Variants in AP1G1 observed in about 807,000 individuals in gnomAD.
AP1G1 encodes AP-1 complex subunit gamma-1.
Under a neutral mutation model 108.3 loss-of-function variants are expected in AP1G1, and 7 were observed. The ratio of observed to expected loss-of-function variants is 0.06; its 90% CI spans 0.04 to 0.12. AP1G1 has a LOEUF of 0.12. AP1G1 is among the 10% of genes least tolerant of loss of function. The pLI, the probability that AP1G1 is intolerant of heterozygous loss-of-function variation, is 1.00. For missense variants in AP1G1, 756 were observed against 1,010.7 expected (o/e 0.75, Z 3.42); for synonymous variants, 379 against 353.5 (o/e 1.07, Z -0.81).
At chr16:71,734,496 T>C (rs1024527992) in intron 22 of AP1G1, 113 bp downstream of exon 22, 1 of 840,040 alleles carries the variant, frequency 1.2e-6, no homozygotes, top group Non-Finnish European at 1.9e-6. Flanking sequence ...GCATTTTCAT[T>C]GATCTCTTCT....
chr16:71,790,428 T>TACTCAGGAGAATTGCTTGA (rs2032356837), intron 1 of AP1G1, among the ~76,000 whole-genome samples: 1 of 150,816 alleles, frequency 6.6e-6, no homozygotes, highest in Non-Finnish European at 1.5e-5. Context: ...TAATCCCAGC[T>TACTCAGGAGAATTGCTTGA]ACTCAGGAGA....
chr16:71,761,919 T>A (rs2031107128), intron 9 of AP1G1, among the ~76,000 whole-genome samples: 1 of 152,036 alleles, frequency 6.6e-6, no homozygotes. Flanking sequence ...TTTGACAGTG[T>A]TTTGTCAGTG....
chr16:71,784,419 C>T (rs937423020), intron 2 of AP1G1, among the ~76,000 whole-genome samples: 1 of 152,280 alleles, frequency 6.6e-6, no homozygotes, highest in Non-Finnish European at 1.5e-5. Context: ...GTCGCACCAA[C>T]AGCAACTACA....
At chr16:71,808,161 G>A in intron 1 of AP1G1, 2 of 1,138,138 alleles carry the variant, frequency 1.8e-6, no homozygotes, top group Non-Finnish European at 2.2e-6. Context: ...CTGAGAAAAG[G>A]GTAAACAGTA....
intron 13 of AP1G1, 52 bp from the exon 14 acceptor site, chr16:71,750,384 A>G: frequency 2.5e-6 from 4 of 1,599,810 alleles, no homozygotes; most frequent in Non-Finnish European, 3.4e-6. Context: ...AATGATGATA[A>G]CAAGTGTTAG....
chr16:71,779,201 T>C (rs900805631), intron 2 of AP1G1, among the ~76,000 whole-genome samples: 2 of 152,156 alleles, frequency 1.3e-5, no homozygotes, highest in African/African-American at 2.4e-5. Flanking sequence ...GTTCCCAAAC[T>C]TAACTGGTCA....
At chr16:71,793,674 T>C (rs540822061) in intron 1 of AP1G1, among the ~76,000 whole-genome samples, 8 of 152,170 alleles carry the variant, frequency 5.3e-5, no homozygotes, top group Admixed American at 3.3e-4. Flanking sequence ...CACAATATAG[T>C]TTTTGTTGTT....
At chr16:71,808,566 C>A (rs909616255) in intron 1 of AP1G1, 197 bp downstream of exon 1, 3 of 1,288,790 alleles carry the variant, frequency 2.3e-6, no homozygotes, top group African/African-American at 3.0e-5. Flanking sequence ...TCCGAGGCCT[C>A]GGGGTCGGCC....
At chr16:71,767,911 G>C in intron 6 of AP1G1, 1 of 1,598,300 alleles carries the variant, frequency 6.3e-7, no homozygotes, top group Non-Finnish European at 8.5e-7. Flanking sequence ...ATTCCAAACA[G>C]ACAACAGGAA....
intron 1 of AP1G1, among the ~76,000 whole-genome samples, chr16:71,792,886 G>A (rs948429102): frequency 6.6e-6 from 1 of 151,900 alleles, no homozygotes; most frequent in Non-Finnish European, 1.5e-5. Context: ...TTACAAGTGA[G>A]GCTGGGCACG....
At position 71,738,871 on chromosome 16, in the gene AP1G1, C is replaced by A; in HGVS notation, c.2268+71G>T. The A allele has an allele frequency of 2.2e-6, 3 of 1,374,536 alleles. No individual in the cohort carries two copies. In the South Asian group the frequency reaches 4.0e-5, roughly 18 times the overall value. 85.1% of individuals were successfully genotyped at this position (1,374,536 alleles called of 1,614,324 possible). ...TGTAAACATTAAAACATATCCTTTA[C>A]CAAACACATGAAAAAAAAAAGCCAG... On this transcript the variant is annotated intron_variant, in intron 21 of 22. Transcript: ENST00000299980.
chr16:71,777,890 C>A (rs2031852070), intron 2 of AP1G1: 1 of 225,634 alleles, frequency 4.4e-6, no homozygotes, highest in Non-Finnish European at 9.4e-6. Flanking sequence ...GACAGAGGGG[C>A]CCTGGACAGT....
At position 71,731,641 on chromosome 16, in the gene AP1G1, C is replaced by T. The variant is rs2045475900; in HGVS notation, c.*1417G>A. ...TCACCTCTACTTCATTCCAGCAACT[C>T]AATTTCAAAGTTTGATAACATATGG... On this transcript the variant is annotated 3_prime_UTR_variant, in exon 23 of 23. Transcript: ENST00000299980. 1 of 152,532 alleles carries T rather than the reference C, an allele frequency of 6.6e-6. No individual in the cohort carries two copies. The highest frequency in any genetic ancestry group is 1.5e-5 in the Non-Finnish European group (1 of 68,024). 9.4% of individuals were successfully genotyped at this position (152,532 alleles called of 1,614,324 possible). A position where few individuals can be genotyped will look rare whatever the true frequency, so the allele number is the denominator to read the frequency against.
intron 11 of AP1G1, chr16:71,758,599 C>A: frequency 1.6e-6 from 1 of 606,338 alleles, no homozygotes. Flanking sequence ...TATTGGCCTC[C>A]TTAACAACCT....
At chr16:71,750,497 C>T (rs761987512) in intron 13 of AP1G1, 165 bp from the exon 14 acceptor site, 12 of 669,056 alleles carry the variant, frequency 1.8e-5, no homozygotes, top group Non-Finnish European at 2.7e-5. Flanking sequence ...TCACTGCAAC[C>T]TCCACCTCCC....
At chr16:71,772,188 T>TG (rs1295956882) in intron 4 of AP1G1, among the ~76,000 whole-genome samples, 1 of 151,494 alleles carries the variant, frequency 6.6e-6, no homozygotes, top group East Asian at 1.9e-4. Flanking sequence ...TAGAGTACAA[T>TG]GGCGCAATGT....
Position 71,729,605 on chromosome 16 carries a change from T to TA in AP1G1, c.*3452dup, listed in dbSNP as rs1223456918. ...ACTCACTGATATTGCTTGAAAAAGTTATTCACTTCCAGTTCTACAAGCAGC... is the reference window on the plus strand; with the variant it reads ...ACTCACTGATATTGCTTGAAAAAGTTAATTCACTTCCAGTTCTACAAGCAGC... On this transcript the variant is annotated 3_prime_UTR_variant, in exon 23 of 23. Transcript: ENST00000299980. 6.6e-6 allele frequency: 1 copy of TA among 152,580 alleles called. No homozygotes were observed. Among genetic ancestry groups the TA allele is most frequent in the Admixed American group, 6.5e-5 (1 of 15,282 alleles). 9.5% of individuals were successfully genotyped at this position (152,580 alleles called of 1,614,324 possible). A position where few individuals can be genotyped will look rare whatever the true frequency, so the allele number is the denominator to read the frequency against.
intron 13 of AP1G1, among the ~76,000 whole-genome samples, chr16:71,753,375 C>T (rs967113379): frequency 2.6e-5 from 4 of 152,162 alleles, no homozygotes; most frequent in African/African-American, 9.7e-5. Context: ...AGTCTGGCTC[C>T]GCTTATGTCT....
At chr16:71,756,374 C>G in intron 11 of AP1G1, 1 of 437,824 alleles carries the variant, frequency 2.3e-6, no homozygotes, top group East Asian at 3.7e-5. Context: ...ATGCAATATT[C>G]TTCTTCAAAA....
Sources: allele counts gnomAD v4.1 joint callset (sites outside exome capture counted in the v4.1 genomes callset), GRCh38; gene constraint gnomAD v4.1.1; transcripts MANE v1.5; gene names NCBI Gene and HGNC (gene_info 2026-07-23, HGNC 2026-07-21).